Variants in RAD51B observed in about 807,000 individuals in gnomAD.
RAD51B encodes RAD51 paralog B.
RAD51B carries 38 observed loss-of-function variants against 42.2 expected under a neutral mutation model. The ratio of observed to expected loss-of-function variants is 0.90; its 90% CI spans 0.70 to 1.18. The LOEUF (loss-of-function observed/expected upper bound fraction) is 1.18. Among genes scored for constraint, RAD51B ranks in the 50% most tolerant of loss-of-function variants. The pLI is 0.00. For synonymous variants in RAD51B, 154 were observed against 145.2 expected (o/e 1.06, Z -0.43); for missense variants, 373 against 400.7 (o/e 0.93, Z 0.59).
intron 8 of RAD51B, among the ~76,000 whole-genome samples, chr14:68,354,215 G>GTT (rs1566828163): frequency 9.7e-6 from 1 of 103,404 alleles, no homozygotes; most frequent in African/African-American, 4.6e-5. Context: ...TTGGTTTTTT[G>GTT]GTTTTTTTTT....
intron 7 of RAD51B, among the ~76,000 whole-genome samples, chr14:68,130,832 T>A (rs2077874236): frequency 6.6e-6 from 1 of 152,184 alleles, no homozygotes; most frequent in African/African-American, 2.4e-5. Flanking sequence ...TAAGCCTCCA[T>A]AATCTACTGG....
At position 68,379,416 on chromosome 14, in the gene RAD51B, C is replaced by T. The variant is rs375888906; in HGVS notation, c.854-32008C>T. On this transcript the variant is annotated intron_variant, in intron 8 of 10. Coordinates refer to ENST00000471583, the MANE Select transcript of RAD51B (RefSeq NM_133510.4). ...GAGGGACTGCTGGGAGAAGGGGGTG[C>T]ACTGGTAGACAAGTAGAGGAAATCC... 3.6e-4 allele frequency among the ~76,000 whole-genome samples: 55 copies of T among 152,256 alleles called. 3 individuals are homozygous for T. Among genetic ancestry groups the T allele is most frequent in the East Asian group, 3.1e-3 (16 of 5,188 alleles).
intron 10 of RAD51B, among the ~76,000 whole-genome samples, chr14:68,609,917 A>C (rs1891608707): frequency 6.7e-6 from 1 of 149,986 alleles, no homozygotes. Flanking sequence ...CCAGGCTTCC[A>C]TTTTCTCTCC....
At chr14:68,018,595 G>A (rs1242209349) in intron 7 of RAD51B, among the ~76,000 whole-genome samples, 6 of 151,974 alleles carry the variant, frequency 3.9e-5, no homozygotes, top group African/African-American at 1.5e-4. Flanking sequence ...AGGAATTCCC[G>A]GAACTTCTTA....
intron 7 of RAD51B, among the ~76,000 whole-genome samples, chr14:67,938,024 G>C (rs1371068823): frequency 1.3e-5 from 2 of 152,108 alleles, no homozygotes; most frequent in Non-Finnish European, 2.9e-5. Context: ...CTTGACCGAG[G>C]CTTTTCAGCT....
intron 7 of RAD51B, among the ~76,000 whole-genome samples, chr14:68,027,780 G>T (rs1441309609): frequency 6.6e-6 from 1 of 152,116 alleles, no homozygotes; most frequent in Non-Finnish European, 1.5e-5. Flanking sequence ...ACTTTCTGCT[G>T]AATCTAGATG....
intron 10 of RAD51B, among the ~76,000 whole-genome samples, chr14:68,575,625 A>T (rs1188692073): frequency 6.6e-6 from 1 of 152,028 alleles, no homozygotes; most frequent in East Asian, 1.9e-4. Flanking sequence ...GTGAATGGGG[A>T]TTCTCCCAAT....
chr14:68,633,321 G>T (rs1366605218), intron 10 of RAD51B, among the ~76,000 whole-genome samples: 1 of 152,096 alleles, frequency 6.6e-6, no homozygotes, highest in African/African-American at 2.4e-5. Flanking sequence ...TCTGTCAGGG[G>T]ATGACTTGGC....
intron 4 of RAD51B, among the ~76,000 whole-genome samples, chr14:67,846,332 G>A (rs1048315797): frequency 5.3e-5 from 8 of 152,136 alleles, no homozygotes; most frequent in South Asian, 2.1e-4. Flanking sequence ...GCTGTCCTCC[G>A]TATGCGCGTT....
chr14:67,871,828 G>T (rs935965080), intron 5 of RAD51B, among the ~76,000 whole-genome samples: 1 of 152,154 alleles, frequency 6.6e-6, no homozygotes, highest in Non-Finnish European at 1.5e-5. Context: ...CAGAACCAAA[G>T]ACAAAAACCA....
chr14:68,561,873 GA>G, intron 10 of RAD51B: 2 of 824,466 alleles, frequency 2.4e-6, no homozygotes, highest in Non-Finnish European at 2.9e-6. Flanking sequence ...TCCTCTGCTG[GA>G]AAAGGAGGAC....
At chr14:68,502,635 C>G (rs765364041) in intron 10 of RAD51B, among the ~76,000 whole-genome samples, 2 of 152,238 alleles carry the variant, frequency 1.3e-5, no homozygotes. Context: ...GCTTCCAAGG[C>G]GCACTTCTAA....
At chr14:68,182,091 T>C (rs2079070909) in intron 7 of RAD51B, among the ~76,000 whole-genome samples, 2 of 152,282 alleles carry the variant, frequency 1.3e-5, no homozygotes, top group South Asian at 4.1e-4. Flanking sequence ...TGAGAAGCCT[T>C]GGTGTCTAAT....
intron 10 of RAD51B, among the ~76,000 whole-genome samples, chr14:68,491,861 C>G (rs1229601415): frequency 6.6e-6 from 1 of 152,228 alleles, no homozygotes; most frequent in African/African-American, 2.4e-5. Flanking sequence ...AGACATAAAT[C>G]AGATCATGCC....
intron 4 of RAD51B, among the ~76,000 whole-genome samples, chr14:67,862,210 A>T (rs1478162824): frequency 2.0e-5 from 3 of 152,122 alleles, no homozygotes; most frequent in Non-Finnish European, 4.4e-5. Context: ...TCTACAGTGT[A>T]CTATAAACAT....
At chr14:68,465,868 G>T (rs1462330588) in intron 9 of RAD51B, among the ~76,000 whole-genome samples, 1 of 151,718 alleles carries the variant, frequency 6.6e-6, no homozygotes, top group Non-Finnish European at 1.5e-5. Context: ...GTGAACCCAG[G>T]AGGTGGAGCT....
At chr14:68,347,899 A>T (rs972595766) in intron 8 of RAD51B, among the ~76,000 whole-genome samples, 5 of 152,238 alleles carry the variant, frequency 3.3e-5, no homozygotes, top group African/African-American at 1.2e-4. Flanking sequence ...CTTAGAGCAC[A>T]CTAAAAAGAG....
chr14:68,600,744 A>C (rs1443692318), downstream of RAD51B, among the ~76,000 whole-genome samples: 3 of 152,200 alleles, frequency 2.0e-5, no homozygotes, highest in African/African-American at 7.2e-5. Flanking sequence ...GTGCTCAAAA[A>C]TGTCAATTAA....
At chr14:68,457,840 CCTGACCTCGTGATACGCCCACCT>C (rs1279038621) in intron 9 of RAD51B, among the ~76,000 whole-genome samples, 1 of 145,324 alleles carries the variant, frequency 6.9e-6, no homozygotes, top group Admixed American at 6.9e-5. Flanking sequence ...GTCTCAATCT[CCTGACCTCGTGATACGCCCACCT>C]CAGCCTCCCA....
Sources: gnomAD v4.1 joint callset for allele counts (sites outside exome capture counted in the v4.1 genomes callset) on GRCh38, gnomAD v4.1.1 for gene constraint, MANE v1.5 for transcripts, NCBI Gene and HGNC (gene_info 2026-07-23, HGNC 2026-07-21) for gene names.